Variants in LSR observed in about 807,000 individuals in gnomAD.
The protein encoded by LSR is lipolysis stimulated lipoprotein receptor.
LSR carries 44 observed loss-of-function variants against 61.8 expected under a neutral mutation model. The ratio of observed to expected loss-of-function variants is 0.71; its 90% CI spans 0.56 to 0.91. The LOEUF is 0.91. LSR is among the 40% of genes least tolerant of loss of function. LSR has a pLI of 0.00. For missense variants in LSR, 911 were observed against 830.5 expected, an observed-to-expected ratio of 1.10 and a Z score of -1.19; for synonymous variants, 397 against 350.6, an observed-to-expected ratio of 1.13 and a Z score of -1.48.
rs1359901886 is a variant in LSR at position 35,267,245 on chromosome 19, C to T, written c.1281C>T (p.Pro427=). 4 of 1,532,244 alleles carry T rather than the reference C, an allele frequency of 2.6e-6. No individual in the cohort carries two copies. Among genetic ancestry groups the T allele is most frequent in the Non-Finnish European group, 3.5e-6 (4 of 1,142,374 alleles). 94.9% of individuals were successfully genotyped at this position (1,532,244 alleles called of 1,614,324 possible). Residue 427 remains proline (P), a synonymous_variant, in exon 9 of 10, where the codon CCC becomes CCT. Transcript: ENST00000605618. ...GTCCCAGGGGATGGGACCAGGAGCC[C>T]GCCAGGGAGCAGGCAGGCGGGGGCT... is the stretch of plus-strand genomic sequence containing the variant. The part of the protein sequence containing the change: ...PRSPRGWDQE[P]AREQAGGGWR...
At chr19:35,251,860 A>G (rs1381063554) in intron 2 of LSR, among the ~76,000 whole-genome samples, 1 of 62,630 alleles carries the variant, frequency 1.6e-5, no homozygotes, top group East Asian at 4.6e-4. Flanking sequence ...TTTGAGACGG[A>G]GTCTCGCTCT....
chr19:35,266,598 G>A (rs1001819832), intron 6 of LSR, 66 bp downstream of exon 6: 1 of 1,601,402 alleles, frequency 6.2e-7, no homozygotes, highest in Non-Finnish European at 8.5e-7. Context: ...TGAGGGGCAG[G>A]GGCTGGAAGG....
At chr19:35,253,294 T>C (rs1167860698) in intron 2 of LSR, 2 of 151,848 alleles carry the variant, frequency 1.3e-5, no homozygotes, top group East Asian at 3.9e-4. Context: ...CACTCTAGCC[T>C]GGGAAACAGT....
intron 3 of LSR, among the ~76,000 whole-genome samples, chr19:35,260,833 A>AACACAC (rs139397551): frequency 5.6e-4 from 84 of 149,348 alleles, no homozygotes; most frequent in African/African-American, 2.0e-3. Flanking sequence ...AAGAAACACA[A>AACACAC]ACACACACAC....
chr19:35,267,146 G>T lies in LSR; in HGVS notation c.1182G>T (p.Trp394Cys). 6.5e-7 allele frequency: 1 copy of T among 1,529,752 alleles called. No homozygotes were observed. Among genetic ancestry groups the T allele is most frequent in the South Asian group, 1.3e-5 (1 of 76,228 alleles). The allele number at this position is 1,529,752 out of a possible 1,614,324, so 94.8% of individuals were successfully genotyped here. The change falls in exon 9 of 10, where the codon TGG becomes TGT. Residue 394 changes from tryptophan to cysteine, a missense_variant. Trp to Cys is a radical substitution (Grantham distance 215). Coordinates refer to ENST00000605618, the MANE Select transcript of LSR (RefSeq NM_205834.4). Reference protein sequence around the residue: ...SEVTSLHEDDWRSRPSRGPAL... With the variant: ...SEVTSLHEDDCRSRPSRGPAL... ...TCACCTCCCTCCACGAGGACGACTGGCGATCTCGGCCTTCCCGGGGCCCTG... is the reference window on the plus strand; with the variant it reads ...TCACCTCCCTCCACGAGGACGACTGTCGATCTCGGCCTTCCCGGGGCCCTG...
At chr19:35,251,207 G>A (rs1229809437) in intron 2 of LSR, among the ~76,000 whole-genome samples, 1 of 152,124 alleles carries the variant, frequency 6.6e-6, no homozygotes, top group Non-Finnish European at 1.5e-5. Flanking sequence ...TGGGAATACA[G>A]CTGTTAACAA....
rs759042818 is a variant in LSR, at chr19:35,267,228, GGAT to G, written c.1266_1268del (p.Trp423del). The G allele has an allele frequency of 6.6e-7, 1 of 1,526,376 alleles. No individual in the cohort carries two copies. The highest frequency in any genetic ancestry group is 1.4e-5 in the African/African-American group (1 of 72,156). 94.6% of individuals were successfully genotyped at this position (1,526,376 alleles called of 1,614,324 possible). A position where few individuals can be genotyped will look rare whatever the true frequency, so the allele number is the denominator to read the frequency against. On this transcript the variant is annotated inframe_deletion, in exon 9 of 10. Coordinates refer to ENST00000605618, the MANE Select transcript of LSR (RefSeq NM_205834.4). ...TGGCCACTCCCCCCGGAGTCCCAGGGGATGGGACCAGGAGCCCGCCAGGGAGCA... is the reference window on the plus strand; with the variant it reads ...TGGCCACTCCCCCCGGAGTCCCAGGGGGGACCAGGAGCCCGCCAGGGAGCA...
intron 5 of LSR, among the ~76,000 whole-genome samples, chr19:35,265,633 T>TAGGAAGGAAGGA (rs149524460): frequency 0.028 from 4,203 of 151,998 alleles, 87 homozygotes; most frequent in Middle Eastern, 0.086. Flanking sequence ...CCTCTTGCCC[T>TAGGAAGGAAGGA]AGGGAGGAAG....
At chr19:35,266,614 T>G (rs934292828) in intron 6 of LSR, 65 bp from the exon 7 acceptor site, 1 of 1,598,332 alleles carries the variant, frequency 6.3e-7, no homozygotes, top group East Asian at 2.3e-5. Context: ...GAAGGAAGAG[T>G]GTCTTGGGAG....
intron 5 of LSR, among the ~76,000 whole-genome samples, chr19:35,265,423 G>A (rs1360291314): frequency 2.0e-5 from 3 of 152,210 alleles, no homozygotes; most frequent in African/African-American, 7.2e-5. Flanking sequence ...CCTTCAGGAG[G>A]CAGCAGGTCC....
chr19:35,262,580 C>G lies in LSR; in HGVS notation c.666C>G (p.Ala222=). The part of the protein sequence containing the change: ...WLFVVVVCLA[A]FLIFLLLGIC... ...TCGTGGTTGTGGTATGCCTGGCTGCCTTCCTCATCTTCCTCCTCCTGGGCA... is the reference window on the plus strand; with the variant it reads ...TCGTGGTTGTGGTATGCCTGGCTGCGTTCCTCATCTTCCTCCTCCTGGGCA... The change falls in exon 5 of 10, where the codon GCC becomes GCG. Residue 222 remains alanine, a synonymous_variant. Coordinates refer to ENST00000605618, the MANE Select transcript of LSR (RefSeq NM_205834.4). The G allele has an allele frequency of 6.2e-7, 1 of 1,614,242 alleles. No individual in the cohort carries two copies. Among genetic ancestry groups the G allele is most frequent in the Non-Finnish European group, 8.5e-7 (1 of 1,180,038 alleles).
At chr19:35,250,792 A>T in intron 2 of LSR, 133 bp downstream of exon 2, 1 of 564,844 alleles carries the variant, frequency 1.8e-6, no homozygotes, top group South Asian at 3.9e-5. Flanking sequence ...GAAGGGAGCA[A>T]TTCTTTTTTT....
intron 1 of LSR, chr19:35,249,366 A>T (rs2065760924): frequency 1.9e-6 from 1 of 532,852 alleles, no homozygotes; most frequent in Admixed American, 4.0e-5. Flanking sequence ...AACTCCCTGG[A>T]CGGTGAGACC....
At chr19:35,249,160 G>C in intron 1 of LSR, 29 bp downstream of exon 1, 1 of 1,516,346 alleles carries the variant, frequency 6.6e-7, no homozygotes, top group Non-Finnish European at 8.8e-7. Context: ...CTGACGCTGC[G>C]GAACGCCGGA....
At position 35,267,437 on chromosome 19, in the gene LSR, C is replaced by T. The variant is rs111251702; in HGVS notation, c.1473C>T (p.Asp491=). ...RSRDDLYDQD[D]SRDFPRSRDP... ...GGGACGACCTCTATGACCAAGACGA[C>T]TCGAGGGACTTCCCACGCTCCCGGG... The change falls in exon 9 of 10, where the codon GAC becomes GAT. Residue 491 remains aspartate, a synonymous_variant. Coordinates refer to ENST00000605618, the MANE Select transcript of LSR (RefSeq NM_205834.4). 1.7e-5 allele frequency: 28 copies of T among 1,610,892 alleles called. No individual in the cohort carries two copies. The African/African-American group carries it at 2.3e-4, about 13-fold the overall frequency.
chr19:35,259,072 G>A lies in LSR; in HGVS notation c.574+8G>A. ...CAGAGCTCATCGTCCTTGGTGAGTG[G>A]GCCTGGGAAGGGGGAGGCATGGCCC... On this transcript the variant is annotated splice_region_variant and intron_variant, in intron 3 of 9. Transcript: ENST00000605618. 1.2e-6 allele frequency: 2 copies of A among 1,611,034 alleles called. No homozygotes were observed. Among genetic ancestry groups the A allele is most frequent in the Non-Finnish European group, 8.5e-7 (1 of 1,177,942 alleles).
intron 2 of LSR, among the ~76,000 whole-genome samples, chr19:35,258,407 C>A (rs180729679): frequency 2.5e-3 from 376 of 151,840 alleles, no homozygotes; most frequent in Non-Finnish European, 4.5e-3. Flanking sequence ...GATTAGTTCG[C>A]ACCATTGCAT....
At chr19:35,253,948 G>A (rs2065826346) in intron 2 of LSR, among the ~76,000 whole-genome samples, 2 of 152,074 alleles carry the variant, frequency 1.3e-5, no homozygotes, top group African/African-American at 4.8e-5. Flanking sequence ...ACCCCCACCT[G>A]GGCCTGTGTT....
At position 35,249,015 on chromosome 19, in the gene LSR, C is replaced by A. The variant is rs776233390; in HGVS notation, c.-8C>A. 1.1e-5 allele frequency: 18 copies of A among 1,607,808 alleles called. No homozygotes were observed. The highest frequency in any genetic ancestry group is 9.4e-5 in the African/African-American group (7 of 74,738). ...GACGCGCGGGCCAGACGCGCCCAGA[C>A]GGCCGCGATGGCGCTGTTGGCCGGC... On this transcript the variant is annotated 5_prime_UTR_variant, in exon 1 of 10. Coordinates refer to ENST00000605618, the MANE Select transcript of LSR (RefSeq NM_205834.4).
Sources: gnomAD v4.1 joint callset for allele counts (sites outside exome capture counted in the v4.1 genomes callset) on GRCh38, gnomAD v4.1.1 for gene constraint, MANE v1.5 for transcripts, NCBI Gene and HGNC (gene_info 2026-07-23, HGNC 2026-07-21) for gene names.